Variants in EGLN1 observed in about 807,000 individuals in gnomAD.
EGLN1 encodes egl nine homolog 1.
A neutral mutation model predicts 38.3 loss-of-function variants in EGLN1; 17 were observed. That is an observed-to-expected ratio of 0.44 (90% CI 0.30 to 0.67). The LOEUF is 0.67. Ranked by LOEUF, EGLN1 falls within the 30% of genes least tolerant of loss-of-function variation. The probability of loss-of-function intolerance (pLI) is 0.08; values close to 1 mark genes in which losing one functional copy is unlikely to be tolerated. For synonymous variants in EGLN1, 283 were observed against 257.5 expected (o/e 1.10, Z -0.95); for missense variants, 477 against 603.3 (o/e 0.79, Z 2.19).
At chr1:231,386,675 C>T (rs1429745496) in intron 1 of EGLN1, among the ~76,000 whole-genome samples, 1 of 152,104 alleles carries the variant, frequency 6.6e-6, no homozygotes, top group African/African-American at 2.4e-5. Flanking sequence ...CTCCTAGTGC[C>T]AAACACAGGC....
intron 2 of EGLN1, among the ~76,000 whole-genome samples, chr1:231,372,705 T>C (rs1687858784): frequency 6.6e-6 from 1 of 152,176 alleles, no homozygotes; most frequent in African/African-American, 2.4e-5. Context: ...AAAGGTCAGC[T>C]CCATTTTGAA....
rs1687561696 is a variant in EGLN1 at position 231,363,777 on chromosome 1, T to C, written c.*2634A>G. On this transcript the variant is annotated 3_prime_UTR_variant, in exon 5 of 5. Coordinates refer to ENST00000366641, the MANE Select transcript of EGLN1 (RefSeq NM_022051.3). ...AATGTTTCAACAACATTTATACATCTTTTTAATTAGATTAGCTTTACAAGC... is the reference window on the plus strand; with the variant it reads ...AATGTTTCAACAACATTTATACATCCTTTTAATTAGATTAGCTTTACAAGC... 1 of 152,258 alleles carries C rather than the reference T, an allele frequency of 6.6e-6. No individual in the cohort carries two copies. The highest frequency in any genetic ancestry group is 2.1e-4 in the South Asian group (1 of 4,834). 9.4% of individuals were successfully genotyped at this position (152,258 alleles called of 1,614,324 possible). A position where few individuals can be genotyped will look rare whatever the true frequency, so the allele number is the denominator to read the frequency against.
intron 1 of EGLN1, among the ~76,000 whole-genome samples, chr1:231,416,404 TAAGTA>T (rs1689083468): frequency 6.6e-6 from 1 of 151,478 alleles, no homozygotes; most frequent in East Asian, 1.9e-4. Context: ...AGGTAGTAGA[TAAGTA>T]AAGAGTTACA....
chr1:231,397,651 ATTG>A (rs1207716147), intron 1 of EGLN1, among the ~76,000 whole-genome samples: 2 of 152,192 alleles, frequency 1.3e-5, no homozygotes, highest in Admixed American at 6.5e-5. Flanking sequence ...AAACATGAGG[ATTG>A]TTAAGGCTAG....
At chr1:231,392,115 G>A (rs1472086798) in intron 1 of EGLN1, among the ~76,000 whole-genome samples, 2 of 151,966 alleles carry the variant, frequency 1.3e-5, no homozygotes, top group Admixed American at 6.5e-5. Context: ...GTGAAACTCC[G>A]TCTCTACTAA....
At chr1:231,367,734 A>T in intron 3 of EGLN1, 98 bp from the exon 4 acceptor site, 1 of 995,266 alleles carries the variant, frequency 1.0e-6, no homozygotes, top group Non-Finnish European at 1.6e-6. Flanking sequence ...TGCCAAAATT[A>T]TGCCTAAACT....
intron 3 of EGLN1, among the ~76,000 whole-genome samples, chr1:231,370,032 A>C (rs1008016311): frequency 1.3e-5 from 2 of 152,160 alleles, no homozygotes; most frequent in Admixed American, 6.5e-5. Context: ...ATTATTTGTA[A>C]AGCTAATAGG....
chr1:231,368,059 A>G (rs1473309314), intron 3 of EGLN1, among the ~76,000 whole-genome samples: 4 of 152,170 alleles, frequency 2.6e-5, no homozygotes, highest in Non-Finnish European at 4.4e-5. Context: ...ATGGTGGCAC[A>G]TGCCTGTAGC....
At chr1:231,376,642 T>C (rs1413647929) in intron 1 of EGLN1, among the ~76,000 whole-genome samples, 2 of 152,204 alleles carry the variant, frequency 1.3e-5, no homozygotes, top group African/African-American at 2.4e-5. Context: ...TATTGTACTA[T>C]GAAATCTGGT....
intron 4 of EGLN1, 89 bp from the exon 5 acceptor site, chr1:231,366,564 T>G (rs1435166): frequency 3.1e-6 from 4 of 1,309,738 alleles, no homozygotes; most frequent in African/African-American, 1.5e-5. Flanking sequence ...CCTAAGAGTA[T>G]GGACAATATT....
chr1:231,418,095 CTATAA>C (rs1162994135), intron 1 of EGLN1, among the ~76,000 whole-genome samples: 2 of 138,700 alleles, frequency 1.4e-5, no homozygotes, highest in African/African-American at 5.5e-5. Context: ...TTTAAAATCA[CTATAA>C]TGTTATGAAG....
intron 1 of EGLN1, among the ~76,000 whole-genome samples, chr1:231,384,587 T>C (rs1299547489): frequency 6.6e-6 from 1 of 151,872 alleles, no homozygotes; most frequent in African/African-American, 2.4e-5. Context: ...AAAAAGAGGG[T>C]CAGTGTGACT....
intron 1 of EGLN1, among the ~76,000 whole-genome samples, chr1:231,380,858 C>A (rs1167550758): frequency 3.3e-5 from 5 of 152,002 alleles, no homozygotes; most frequent in Admixed American, 1.3e-4. Flanking sequence ...CCATTTAATT[C>A]TTCAACTGCT....
At chr1:231,369,566 T>C (rs2102893219) in intron 3 of EGLN1, 1 of 985,294 alleles carries the variant, frequency 1.0e-6, no homozygotes, top group Non-Finnish European at 1.2e-6. Context: ...TTTCTTACAA[T>C]CTCCAGCTAC....
rs568891019 is a variant in EGLN1, at chr1:231,378,495, G to A, written c.892-4396C>T. Among the ~76,000 whole-genome samples the A allele has an allele frequency of 7.9e-5, 12 of 152,150 alleles. No individual in the cohort carries two copies. The South Asian group carries it at 1.7e-3, about 21-fold the overall frequency. ...TACGTTTTCAGAGACAAGGTCTCAC[G>A]ACGTTGCCCACGCTGGTCTTCCCCT... On this transcript the variant is annotated intron_variant, in intron 1 of 4. Transcript: ENST00000366641.
At chr1:231,417,330 T>C (rs994584568) in intron 1 of EGLN1, among the ~76,000 whole-genome samples, 1 of 152,228 alleles carries the variant, frequency 6.6e-6, no homozygotes, top group African/African-American at 2.4e-5. Flanking sequence ...ACGGAACAGA[T>C]GAAGTTTTGG....
chr1:231,420,592 T>A (rs1354959576), intron 1 of EGLN1, among the ~76,000 whole-genome samples: 1 of 152,188 alleles, frequency 6.6e-6, no homozygotes, highest in Non-Finnish European at 1.5e-5. Context: ...TTTAACAGCT[T>A]ATGCAAACAC....
At chr1:231,369,450 A>G (rs912187040) in intron 3 of EGLN1, 5 of 377,424 alleles carry the variant, frequency 1.3e-5, no homozygotes, top group African/African-American at 1.1e-4. Context: ...TCTTTACAGA[A>G]GCAGCAGGGG....
chr1:231,407,010 G>A (rs1482715050), intron 1 of EGLN1, among the ~76,000 whole-genome samples: 1 of 152,010 alleles, frequency 6.6e-6, no homozygotes, highest in African/African-American at 2.4e-5. Flanking sequence ...AATCATCTGT[G>A]GTAAATATTT....
Sources: gnomAD v4.1 joint callset for allele counts (sites outside exome capture counted in the v4.1 genomes callset) on GRCh38, gnomAD v4.1.1 for gene constraint, MANE v1.5 for transcripts, NCBI Gene and HGNC (gene_info 2026-07-23, HGNC 2026-07-21) for gene names.